Variants in CARMIL1 observed in about 807,000 individuals in gnomAD.
CARMIL1 encodes F-actin-uncapping protein LRRC16A.
In CARMIL1, 90 loss-of-function variants were observed where a neutral mutation model predicts 177.1. That is an observed-to-expected ratio of 0.51 (90% confidence interval 0.43 to 0.61). The LOEUF (loss-of-function observed/expected upper bound fraction) is 0.61, where lower values mean the gene tolerates loss of function less well. Among genes scored for constraint, CARMIL1 ranks in the 20% least tolerant of loss-of-function variants. The pLI, the probability that CARMIL1 is intolerant of heterozygous loss-of-function variation, is 0.00. For missense variants in CARMIL1, 1,380 were observed against 1,667.0 expected, an observed-to-expected ratio of 0.83 and a Z score of 3.00; for synonymous variants, 577 against 606.2, an observed-to-expected ratio of 0.95 and a Z score of 0.71.
At position 25,491,751 on chromosome 6, in the gene CARMIL1, C is replaced by T; in HGVS notation, c.1085C>T (p.Ala362Val). The T allele has an allele frequency of 1.3e-6, 2 of 1,594,858 alleles. No individual in the cohort carries two copies. Among genetic ancestry groups the T allele is most frequent in the Middle Eastern group, 2.1e-4 (1 of 4,782 alleles). The change falls in exon 14 of 37, where the codon GCC becomes GTC. Residue 362 changes from alanine to valine, a missense_variant. Coordinates refer to ENST00000329474, the MANE Select transcript of CARMIL1 (RefSeq NM_017640.6). ...TTCAAGCACATGTATAATTTTTTGG[C>T]CCAGCCAAATGCCATTGTTCATCTG... ...DDLSHMYNFL[A>V]QPNAIVHLDL...
rs145747541 is a variant in CARMIL1 at position 25,326,746 on chromosome 6, G to T, written c.138+41837G>T. Among the ~76,000 whole-genome samples the T allele has an allele frequency of 6.6e-5, 10 of 152,122 alleles. No individual in the cohort carries two copies. Among genetic ancestry groups the T allele is most frequent in the African/African-American group, 2.4e-4 (10 of 41,438 alleles). ...TGGTAAGCAGTAGATGGATTCTGGTGTATGTTTTGAAGGTAGGGATGATAG... is the reference window on the plus strand; with the variant it reads ...TGGTAAGCAGTAGATGGATTCTGGTTTATGTTTTGAAGGTAGGGATGATAG... On this transcript the variant is annotated intron_variant, in intron 2 of 36. Transcript: ENST00000329474. The surrounding 1 kb of genome is among the most constrained non-coding windows in gnomAD (Gnocchi z 4.2).
At chr6:25,328,454 A>G (rs1263508375) in intron 2 of CARMIL1, among the ~76,000 whole-genome samples, 1 of 152,192 alleles carries the variant, frequency 6.6e-6, no homozygotes, top group East Asian at 1.9e-4. Context: ...CTCTGTGGAC[A>G]TTTCATGAAA....
At chr6:25,464,158 T>A (rs1800391903) in intron 8 of CARMIL1, among the ~76,000 whole-genome samples, 1 of 152,132 alleles carries the variant, frequency 6.6e-6, no homozygotes, top group East Asian at 1.9e-4. Context: ...TTAAAAAAAA[T>A]TTTAAACTTA....
At chr6:25,300,489 A>C (rs1035498704) in intron 2 of CARMIL1, among the ~76,000 whole-genome samples, 2 of 152,238 alleles carry the variant, frequency 1.3e-5, no homozygotes, top group Non-Finnish European at 2.9e-5. Flanking sequence ...CAACATGGCA[A>C]ACTCCTGTCT....
At chr6:25,405,147 A>T (rs1794251700) in intron 2 of CARMIL1, among the ~76,000 whole-genome samples, 1 of 152,222 alleles carries the variant, frequency 6.6e-6, no homozygotes, top group Non-Finnish European at 1.5e-5. Context: ...TTATTTTAGT[A>T]AATCAGTGAT....
chr6:25,463,815 TCTC>T (rs1403115696), intron 8 of CARMIL1, among the ~76,000 whole-genome samples: 3 of 133,480 alleles, frequency 2.2e-5, no homozygotes, highest in African/African-American at 8.2e-5. Flanking sequence ...AAAGAGTTGT[TCTC>T]CTTTTTTTTT....
chr6:25,279,951 A>T (rs143772651), intron 1 of CARMIL1, 116 bp downstream of exon 1: 36,632 of 1,240,690 alleles, frequency 0.03, 689 homozygotes, highest in Non-Finnish European at 0.037. Flanking sequence ...CCCTTAGGGC[A>T]GAGTGGTGTT....
chr6:25,409,392 T>C (rs1794704449), intron 2 of CARMIL1, among the ~76,000 whole-genome samples: 1 of 152,228 alleles, frequency 6.6e-6, no homozygotes, highest in African/African-American at 2.4e-5. Context: ...TACTGTATGC[T>C]CAGCACTTGA....
intron 31 of CARMIL1, among the ~76,000 whole-genome samples, chr6:25,590,610 C>T (rs1436920376): frequency 6.6e-6 from 1 of 152,018 alleles, no homozygotes; most frequent in African/African-American, 2.4e-5. Context: ...TGTCTATATG[C>T]TTGTGTGCAT....
chr6:25,312,050 T>C (rs1487586434), intron 2 of CARMIL1, among the ~76,000 whole-genome samples: 1 of 152,254 alleles, frequency 6.6e-6, no homozygotes, highest in African/African-American at 2.4e-5. Flanking sequence ...CCTGTGCTCA[T>C]GGAACTTCAA....
At chr6:25,498,877 G>T (rs1173709096) in intron 16 of CARMIL1, among the ~76,000 whole-genome samples, 3 of 152,186 alleles carry the variant, frequency 2.0e-5, no homozygotes, top group Non-Finnish European at 4.4e-5. Context: ...ATAAGCAATT[G>T]AACAAGTACA....
chr6:25,450,431 T>C, intron 7 of CARMIL1, 22 bp downstream of exon 7: 1 of 1,570,058 alleles, frequency 6.4e-7, no homozygotes, highest in Non-Finnish European at 8.8e-7. Context: ...TGTGTACATG[T>C]GCATGAGCAC....
intron 23 of CARMIL1, among the ~76,000 whole-genome samples, chr6:25,520,670 CTCT>C (rs1438727359): frequency 6.6e-6 from 1 of 151,854 alleles, no homozygotes; most frequent in Non-Finnish European, 1.5e-5. Context: ...AGCTTCCCTC[CTCT>C]TCATCCTCAA....
intron 4 of CARMIL1, among the ~76,000 whole-genome samples, chr6:25,428,084 A>G (rs1436672560): frequency 1.3e-5 from 2 of 152,224 alleles, no homozygotes; most frequent in African/African-American, 2.4e-5. Flanking sequence ...TATTGAATAA[A>G]TCTTTGCTTA....
At chr6:25,561,232 T>C (rs1357755235) in intron 29 of CARMIL1, among the ~76,000 whole-genome samples, 1 of 152,256 alleles carries the variant, frequency 6.6e-6, no homozygotes, top group Non-Finnish European at 1.5e-5. Flanking sequence ...TTCTACTGAT[T>C]AGTTATCTCT....
intron 2 of CARMIL1, among the ~76,000 whole-genome samples, chr6:25,393,127 G>T (rs1050600863): frequency 3.9e-5 from 6 of 152,070 alleles, no homozygotes; most frequent in Admixed American, 3.9e-4. Flanking sequence ...AATAACTTAC[G>T]AATTGCATGA....
chr6:25,478,028 A>T (rs1332649874), intron 11 of CARMIL1, among the ~76,000 whole-genome samples: 2 of 149,388 alleles, frequency 1.3e-5, no homozygotes, highest in South Asian at 2.1e-4. Flanking sequence ...GCTAATTTTT[A>T]AATTTTTTTT....
intron 2 of CARMIL1, among the ~76,000 whole-genome samples, chr6:25,352,342 G>T (rs1457873176): frequency 6.6e-6 from 1 of 151,058 alleles, no homozygotes; most frequent in East Asian, 1.9e-4. Flanking sequence ...TTTGAGGTGA[G>T]GCTAAACTTT....
chr6:25,373,036 T>A (rs1161827099), intron 2 of CARMIL1, among the ~76,000 whole-genome samples: 3 of 152,250 alleles, frequency 2.0e-5, no homozygotes, highest in African/African-American at 7.2e-5. Context: ...ATTCTGTTTA[T>A]ATGATGTTTC....
Sources: allele counts gnomAD v4.1 joint callset (sites outside exome capture counted in the v4.1 genomes callset), GRCh38; gene constraint gnomAD v4.1.1; non-coding constraint Gnocchi (gnomAD v3.1); transcripts MANE v1.5; gene names NCBI Gene and HGNC (gene_info 2026-07-23, HGNC 2026-07-21).